The following MBNL2 variants were observed in gnomAD, a reference collection of about 807,000 sequenced individuals.
The protein encoded by MBNL2 is muscleblind-like protein 2.
MBNL2 carries 17 observed loss-of-function variants against 41.9 expected under a neutral mutation model. That is an observed-to-expected ratio of 0.41 (90% CI 0.28 to 0.61). The LOEUF is 0.61. Ranked by LOEUF, MBNL2 falls within the 20% of genes least tolerant of loss-of-function variation. The pLI is 0.35. For missense variants in MBNL2, 336 were observed against 505.6 expected (o/e 0.66, Z 3.22); for synonymous variants, 195 against 182.9 (o/e 1.07, Z -0.53).
intron 1 of MBNL2, among the ~76,000 whole-genome samples, chr13:97,263,906 C>T (rs1467301442): frequency 6.6e-6 from 1 of 152,074 alleles, no homozygotes; most frequent in Non-Finnish European, 1.5e-5. Context: ...GTGTGAGGCA[C>T]TGTGCCCAGC....
At chr13:97,242,194 G>A (rs1470874546) in intron 1 of MBNL2, among the ~76,000 whole-genome samples, 1 of 152,158 alleles carries the variant, frequency 6.6e-6, no homozygotes, top group Non-Finnish European at 1.5e-5. Context: ...TACAAAATGT[G>A]TCTTTGGAAC....
intron 2 of MBNL2, among the ~76,000 whole-genome samples, chr13:97,293,559 T>G (rs576910936): frequency 1.3e-5 from 2 of 152,174 alleles, no homozygotes; most frequent in African/African-American, 4.8e-5. Context: ...ATAATTCAAG[T>G]GCTTTGTGCC....
intron 1 of MBNL2, among the ~76,000 whole-genome samples, chr13:97,252,085 C>T (rs2046669784): frequency 6.6e-6 from 1 of 151,750 alleles, no homozygotes; most frequent in South Asian, 2.1e-4. Context: ...CTCCTGACCT[C>T]ATGATCCACC....
At chr13:97,183,413 T>C in the MBNL2 span, among the ~76,000 whole-genome samples, 1 of 152,198 alleles carries the variant, frequency 6.6e-6, no homozygotes, top group Non-Finnish European at 1.5e-5. Context: ...ACTCATAAAA[T>C]GTCTTCCCCT....
intron 8 of MBNL2, among the ~76,000 whole-genome samples, chr13:97,379,060 C>T (rs1172171730): frequency 6.6e-6 from 1 of 152,208 alleles, no homozygotes; most frequent in Non-Finnish European, 1.5e-5. Context: ...AATCTATGGT[C>T]AGTGTAGGCT....
At chr13:97,250,426 C>A (rs981958183) in intron 1 of MBNL2, among the ~76,000 whole-genome samples, 1 of 152,162 alleles carries the variant, frequency 6.6e-6, no homozygotes, top group Non-Finnish European at 1.5e-5. Flanking sequence ...CTCAGTCTGC[C>A]TTTTCCCCAT....
At chr13:97,228,865 T>C (rs1024745104) in intron 1 of MBNL2, among the ~76,000 whole-genome samples, 7 of 151,946 alleles carry the variant, frequency 4.6e-5, no homozygotes, top group Non-Finnish European at 8.8e-5. Flanking sequence ...TTGCCCTCTG[T>C]TTTACAGATT....
chr13:97,379,971 T>C (rs1384401891), intron 8 of MBNL2, among the ~76,000 whole-genome samples: 1 of 152,196 alleles, frequency 6.6e-6, no homozygotes, highest in Admixed American at 6.5e-5. Context: ...AAGAAAGGAT[T>C]AAGGAGTGAC....
intron 1 of MBNL2, among the ~76,000 whole-genome samples, chr13:97,238,172 A>G (rs1044343035): frequency 1.3e-5 from 2 of 152,190 alleles, no homozygotes; most frequent in South Asian, 2.1e-4. Flanking sequence ...GTGGAGCCCA[A>G]TGTATATTTG....
chr13:97,159,089 G>T, the MBNL2 span, among the ~76,000 whole-genome samples: 3 of 152,026 alleles, frequency 2.0e-5, no homozygotes, highest in Non-Finnish European at 4.4e-5. Context: ...CCTGTATTGG[G>T]TGCATATATA....
At chr13:97,371,533 CTGAT>C (rs569070914) in intron 8 of MBNL2, among the ~76,000 whole-genome samples, 1 of 152,024 alleles carries the variant, frequency 6.6e-6, no homozygotes, top group South Asian at 2.1e-4. Context: ...AGGTTTGATT[CTGAT>C]TGATTGTGTG....
chr13:97,297,616 G>A (rs2057191680), intron 2 of MBNL2, among the ~76,000 whole-genome samples: 1 of 151,998 alleles, frequency 6.6e-6, no homozygotes, highest in Non-Finnish European at 1.5e-5. Context: ...ATGTTTCCCT[G>A]CTAGATCATT....
At chr13:97,154,238 C>T in the MBNL2 span, among the ~76,000 whole-genome samples, 7 of 152,212 alleles carry the variant, frequency 4.6e-5, no homozygotes, top group Admixed American at 1.3e-4. Flanking sequence ...TCTTCCCATT[C>T]TCATAAAAAT....
In MBNL2 at chr13:97,323,199, A is replaced by G. The variant is rs561877547; in HGVS notation, c.175-11077A>G. On this transcript the variant is annotated intron_variant, in intron 2 of 8. Transcript: ENST00000679496. ...CTTCTGTGGGGGTAGGTGATTCACC[A>G]TATAGTATTGCAATCAGTTTGAAAA... 1.1e-4 allele frequency among the ~76,000 whole-genome samples: 17 copies of G among 152,356 alleles called. No individual in the cohort carries two copies. In the East Asian group the frequency reaches 3.3e-3, roughly 29 times the overall value.
chr13:97,156,781 C>T, the MBNL2 span, among the ~76,000 whole-genome samples: 53 of 152,148 alleles, frequency 3.5e-4, no homozygotes, highest in African/African-American at 1.3e-3. Flanking sequence ...CAGTGCCATG[C>T]TGTTTTGGTT....
chr13:97,357,105 T>G (rs1478226883), intron 6 of MBNL2, among the ~76,000 whole-genome samples: 2 of 152,210 alleles, frequency 1.3e-5, no homozygotes, highest in African/African-American at 2.4e-5. Flanking sequence ...ATAATTCGTA[T>G]TAACCTTTAA....
At chr13:97,192,606 T>C in the MBNL2 span, among the ~76,000 whole-genome samples, 1 of 152,186 alleles carries the variant, frequency 6.6e-6, no homozygotes, top group Non-Finnish European at 1.5e-5. Context: ...CTATTTCCTG[T>C]CCATGGTTTG....
the MBNL2 span, among the ~76,000 whole-genome samples, chr13:97,199,563 G>A: frequency 2.6e-5 from 4 of 152,192 alleles, no homozygotes; most frequent in Non-Finnish European, 5.9e-5. Flanking sequence ...ATGTGTAATT[G>A]CTATACAAGA....
chr13:97,337,398 CAT>C (rs2060978110), intron 3 of MBNL2, among the ~76,000 whole-genome samples: 2 of 152,204 alleles, frequency 1.3e-5, no homozygotes, highest in African/African-American at 4.8e-5. Context: ...GTGCTCAAGT[CAT>C]GTGATGAATC....
Sources: gnomAD v4.1 joint callset for allele counts (sites outside exome capture counted in the v4.1 genomes callset) on GRCh38, gnomAD v4.1.1 for gene constraint, MANE v1.5 for transcripts, NCBI Gene and HGNC (gene_info 2026-07-23, HGNC 2026-07-21) for gene names.